ATP2A2: variants seen among roughly 807,000 people sequenced by gnomAD.
ATP2A2 encodes the protein ATPase sarcoplasmic/endoplasmic reticulum Ca2+ transporting 2.
A neutral mutation model predicts 109.3 loss-of-function variants in ATP2A2; 14 were observed. That is an observed-to-expected ratio of 0.13 (90% confidence interval 0.08 to 0.20). The LOEUF (loss-of-function observed/expected upper bound fraction) is 0.20, where lower values mean the gene tolerates loss of function less well. Among genes scored for constraint, ATP2A2 ranks in the 10% least tolerant of loss-of-function variants. The probability of loss-of-function intolerance (pLI) is 1.00; values close to 1 mark genes in which losing one functional copy is unlikely to be tolerated. For synonymous variants in ATP2A2, 506 were observed against 490.9 expected, an observed-to-expected ratio of 1.03 and a Z score of -0.41; for missense variants, 657 against 1,321.6, an observed-to-expected ratio of 0.50 and a Z score of 7.80.
chr12:110,339,090 C>T lies in ATP2A2; in HGVS notation c.1420-191C>T, dbSNP rs1421769509. ...CCCCCTTCCCTTTTTCTCTATAGCA[C>T]TTGTGTTACTTTTGCATCTTAGTCT... On this transcript the variant is annotated intron_variant, in intron 11 of 19. Transcript: ENST00000539276. The surrounding 1 kb of genome is among the most constrained non-coding windows in gnomAD (Gnocchi z 4.4). Among the ~76,000 whole-genome samples, 1 of 152,162 alleles carries T rather than the reference C, an allele frequency of 6.6e-6. No individual in the cohort carries two copies. The highest frequency in any genetic ancestry group is 1.5e-5 in the Non-Finnish European group (1 of 68,026).
rs1880272367 is a variant in ATP2A2 at position 110,350,211 on chromosome 12, ATCT to A, written c.*3744_*3746del. The A allele has an allele frequency of 1.9e-6, 3 of 1,613,540 alleles. No homozygotes were observed. Among genetic ancestry groups the A allele is most frequent in the Non-Finnish European group, 2.5e-6 (3 of 1,179,900 alleles). ...TGTTCCTTTTCATCTGTCGCTGTTGATCTTCATCTATTTAAATAGGTATTCTAA... is the reference window on the plus strand; with the variant it reads ...TGTTCCTTTTCATCTGTCGCTGTTGATCATCTATTTAAATAGGTATTCTAA... On this transcript the variant is annotated 3_prime_UTR_variant, in exon 20 of 20. Coordinates refer to ENST00000539276, the MANE Select transcript of ATP2A2 (RefSeq NM_170665.4).
chr12:110,317,616 G>T (rs1876807519), intron 5 of ATP2A2, among the ~76,000 whole-genome samples: 1 of 152,170 alleles, frequency 6.6e-6, no homozygotes, highest in South Asian at 2.1e-4. Context: ...GACCTCAAAT[G>T]CTTCGTCCGC....
chr12:110,349,724 G>A lies in ATP2A2; in HGVS notation c.*3254G>A. The A allele has an allele frequency of 7.9e-6, 8 of 1,011,350 alleles. No homozygotes were observed. The South Asian group carries it at 2.9e-4, about 36-fold the overall frequency. The allele number at this position is 1,011,350 out of a possible 1,614,324, so 62.6% of individuals were successfully genotyped here. A position where few individuals can be genotyped will look rare whatever the true frequency, so the allele number is the denominator to read the frequency against. On this transcript the variant is annotated 3_prime_UTR_variant, in exon 20 of 20. Transcript: ENST00000539276. ...AGCATACCACGTCTGCAGTGCCTGT[G>A]AGCAGAGCCAGCAGTTGCCCTGTGA...
At chr12:110,330,598 A>G (rs1181768171) in intron 8 of ATP2A2, 1 of 152,168 alleles carries the variant, frequency 6.6e-6, no homozygotes, top group Non-Finnish European at 1.5e-5. Flanking sequence ...CATGTGTAAA[A>G]TTGTAATTTT....
intron 5 of ATP2A2, among the ~76,000 whole-genome samples, chr12:110,298,840 C>T (rs1874242534): frequency 6.6e-6 from 1 of 152,114 alleles, no homozygotes; most frequent in Admixed American, 6.5e-5. Context: ...GCATGATGCC[C>T]CTTTAACTCC....
chr12:110,281,891 G>A lies in ATP2A2; in HGVS notation c.102G>A (p.Glu34=), dbSNP rs771182827. The A allele has an allele frequency of 7.0e-6, 11 of 1,581,960 alleles. No homozygotes were observed. Among genetic ancestry groups the A allele is most frequent in the Non-Finnish European group, 9.4e-6 (11 of 1,166,030 alleles). ...TGGAACAGGTCAAGAAGCTTAAGGA[G>A]AGATGGGGCTCCAACGGTAGGTGCA... ...LSLEQVKKLK[E]RWGSNELPAE... is the part of the protein sequence containing the mutation. The change falls in exon 1 of 20, where the codon GAG becomes GAA. Residue 34 remains glutamate (E), a synonymous_variant. Coordinates refer to ENST00000539276, the MANE Select transcript of ATP2A2 (RefSeq NM_170665.4).
intron 8 of ATP2A2, chr12:110,332,366 A>G: frequency 1.9e-6 from 1 of 535,320 alleles, no homozygotes; most frequent in Non-Finnish European, 3.4e-6. Context: ...TGTTTTTCAT[A>G]CTGTTCGATT....
intron 4 of ATP2A2, among the ~76,000 whole-genome samples, chr12:110,293,265 G>A (rs1289943579): frequency 2.0e-5 from 3 of 151,232 alleles, no homozygotes; most frequent in African/African-American, 4.9e-5. Context: ...TAGTAGAGAC[G>A]GGGTTTCACC....
upstream of ATP2A2, chr12:110,280,989 C>T (rs1452680944): frequency 6.6e-6 from 1 of 152,066 alleles, no homozygotes; most frequent in Non-Finnish European, 1.5e-5. Flanking sequence ...GAACCGCAGG[C>T]ACAGAAGAGG....
At chr12:110,288,914 C>CT (rs1206353645) in intron 3 of ATP2A2, among the ~76,000 whole-genome samples, 5 of 152,170 alleles carry the variant, frequency 3.3e-5, no homozygotes, top group African/African-American at 1.2e-4. Flanking sequence ...CCCCATCTCC[C>CT]TCCCAGTCTC....
intron 4 of ATP2A2, among the ~76,000 whole-genome samples, chr12:110,295,718 A>G (rs182814519): frequency 3.6e-4 from 55 of 152,326 alleles, no homozygotes; most frequent in African/African-American, 1.3e-3. Flanking sequence ...GTTTGATTCT[A>G]CAACTTCCAT....
intron 5 of ATP2A2, among the ~76,000 whole-genome samples, chr12:110,303,993 T>G (rs1377538616): frequency 6.6e-6 from 1 of 152,232 alleles, no homozygotes; most frequent in African/African-American, 2.4e-5. Flanking sequence ...TGCCCTGTTT[T>G]CCTCCCACCA....
At position 110,349,966 on chromosome 12, in the gene ATP2A2, A is replaced by G; in HGVS notation, c.*3496A>G. The G allele has an allele frequency of 7.9e-7, 1 of 1,266,162 alleles. No individual in the cohort carries two copies. The allele number at this position is 1,266,162 out of a possible 1,614,324, so 78.4% of individuals were successfully genotyped here. On this transcript the variant is annotated 3_prime_UTR_variant, in exon 20 of 20. Coordinates refer to ENST00000539276, the MANE Select transcript of ATP2A2 (RefSeq NM_170665.4). ...ATCAACCTCACCCTCTGCACCACTA[A>G]CCAAGACCTTGTCCTCTTGCCTGTC...
intron 3 of ATP2A2, among the ~76,000 whole-genome samples, chr12:110,287,740 G>A (rs537967421): frequency 2.2e-4 from 34 of 151,444 alleles, no homozygotes; most frequent in Non-Finnish European, 3.7e-4. Context: ...TCAGCCTCCC[G>A]AGTAGCTGGG....
chr12:110,311,088 T>TA (rs1213366257), intron 5 of ATP2A2, among the ~76,000 whole-genome samples: 1 of 152,220 alleles, frequency 6.6e-6, no homozygotes, highest in Non-Finnish European at 1.5e-5. Flanking sequence ...CATGAGTCCA[T>TA]GTGGACTTTT....
intron 18 of ATP2A2, 118 bp downstream of exon 18, chr12:110,345,500 A>G (rs1309459569): frequency 6.8e-7 from 1 of 1,468,580 alleles, no homozygotes; most frequent in African/African-American, 1.4e-5. Flanking sequence ...CCCAAAAGAA[A>G]GGAGAACAGG....
Position 110,335,702 on chromosome 12 carries a change from A to G in ATP2A2, c.1419+1559A>G, listed in dbSNP as rs111244191. The stretch of plus-strand genomic sequence containing the variant: ...ACAGGTGGGAGAGAAGAAGCAAGCT[A>G]CAGAAGCAGCTCAAGAATGGGAACT... On this transcript the variant is annotated intron_variant, in intron 11 of 19. Transcript: ENST00000539276. 2.2e-4 allele frequency among the ~76,000 whole-genome samples: 33 copies of G among 152,362 alleles called. 1 individual carries two copies. Among genetic ancestry groups the G allele is most frequent in the African/African-American group, 7.7e-4 (32 of 41,590 alleles).
chr12:110,321,400 G>T (rs1877227089), intron 5 of ATP2A2, among the ~76,000 whole-genome samples: 1 of 152,178 alleles, frequency 6.6e-6, no homozygotes. Context: ...TATGTAATTT[G>T]TAGCTGCCCT....
chr12:110,343,515 C>T (rs933644015), intron 16 of ATP2A2, 81 bp downstream of exon 16: 36 of 1,514,454 alleles, frequency 2.4e-5, no homozygotes, highest in Middle Eastern at 1.7e-4. Flanking sequence ...CCCTTAAAAG[C>T]GTGTTTTTTC....
Sources: allele counts gnomAD v4.1 joint callset (sites outside exome capture counted in the v4.1 genomes callset), GRCh38; gene constraint gnomAD v4.1.1; non-coding constraint Gnocchi (gnomAD v3.1); transcripts MANE v1.5; gene names NCBI Gene and HGNC (gene_info 2026-07-23, HGNC 2026-07-21).